Variants in ZNF558 observed in about 807,000 individuals in gnomAD.
ZNF558 encodes the protein zinc finger protein 558.
ZNF558 carries 23 observed loss-of-function variants against 37.6 expected under a neutral mutation model. The observed-to-expected ratio is 0.61, with a 90% CI of 0.44 to 0.87. The LOEUF is 0.87. Ranked by LOEUF, ZNF558 falls within the 40% of genes least tolerant of loss-of-function variation. ZNF558 has a pLI of 0.00. For synonymous variants in ZNF558, 189 were observed against 174.4 expected, an observed-to-expected ratio of 1.08 and a Z score of -0.66; for missense variants, 429 against 483.7, an observed-to-expected ratio of 0.89 and a Z score of 1.06.
At chr19:8,815,488 G>T (rs2043912387) in intron 7 of ZNF558, among the ~76,000 whole-genome samples, 1 of 152,018 alleles carries the variant, frequency 6.6e-6, no homozygotes, top group Admixed American at 6.6e-5. Context: ...CTGAGGAGCA[G>T]AAAAAAGAGA....
chr19:8,806,861 T>C lies in ZNF558; in HGVS notation c.*4420A>G, dbSNP rs2043708175. 1 of 152,350 alleles carries C rather than the reference T, an allele frequency of 6.6e-6. No individual in the cohort carries two copies. Among genetic ancestry groups the C allele is most frequent in the Non-Finnish European group, 1.5e-5 (1 of 68,040 alleles). 9.4% of individuals were successfully genotyped at this position (152,350 alleles called of 1,614,324 possible). ...GTCATTCATTGTCTTCTTGCTTCCA[T>C]AGTTTCTTTTGAAAAGTCATCATTA... On this transcript the variant is annotated 3_prime_UTR_variant, in exon 10 of 10. Transcript: ENST00000601372.
intron 7 of ZNF558, among the ~76,000 whole-genome samples, chr19:8,816,092 G>A (rs917121758): frequency 2.0e-5 from 3 of 151,762 alleles, no homozygotes; most frequent in Non-Finnish European, 4.4e-5. Context: ...TTTGAGCCAG[G>A]GTTTTATTCT....
upstream of ZNF558, among the ~76,000 whole-genome samples, chr19:8,833,694 A>G (rs998555856): frequency 2.0e-5 from 3 of 152,176 alleles, no homozygotes; most frequent in Admixed American, 6.5e-5. Context: ...TGCGTTAGAT[A>G]CCACTAAGTG....
In ZNF558 at chr19:8,827,530, T is replaced by C. The variant is rs981265390; in HGVS notation, c.-508-2422A>G. On this transcript the variant is annotated intron_variant, in intron 2 of 9. Transcript: ENST00000601372. ...AAGTGAGGCCTAGTATGGTTCTGCC[T>C]CCCTCTTGATCTTGGTCTTGGTCAC... Among the ~76,000 whole-genome samples the C allele has an allele frequency of 1.8e-4, 27 of 149,490 alleles. No individual in the cohort carries two copies. In the East Asian group the frequency reaches 3.0e-3, roughly 17 times the overall value.
At chr19:8,829,920 T>C (rs1357960865) in intron 2 of ZNF558, among the ~76,000 whole-genome samples, 1 of 152,148 alleles carries the variant, frequency 6.6e-6, no homozygotes, top group Non-Finnish European at 1.5e-5. Context: ...CACCATACTG[T>C]TATTTCAGAG....
Position 8,811,057 on chromosome 19 carries a change from G to A in ZNF558, c.*224C>T. ...GGCTGACATCTTGATTGTAAGTAAA[G>A]GCATGAGAGATCCTGCAGTGTAACT... On this transcript the variant is annotated 3_prime_UTR_variant, in exon 10 of 10. Coordinates refer to ENST00000601372, the MANE Select transcript of ZNF558 (RefSeq NM_144693.3). 8.4e-6 allele frequency: 4 copies of A among 477,474 alleles called. No homozygotes were observed. The highest frequency in any genetic ancestry group is 3.5e-5 in the East Asian group (1 of 28,958). 29.6% of individuals were successfully genotyped at this position (477,474 alleles called of 1,614,324 possible).
In ZNF558 at chr19:8,811,923, G is replaced by A. The variant is rs782037188; in HGVS notation, c.567C>T (p.Phe189=). 2.5e-6 allele frequency: 4 copies of A among 1,614,076 alleles called. No homozygotes were observed. The South Asian group carries it at 4.4e-5, about 18-fold the overall frequency. ...PYDCSQCGKS[F]SSRSYLTIHK... ...GAATAGTAAGGTAAGATCTGCTACT[G>A]AAGGACTTCCCACATTGACTACAGT... The change falls in exon 10 of 10, where the codon TTC becomes TTT. Residue 189 remains phenylalanine, a synonymous_variant. Transcript: ENST00000601372.
chr19:8,810,021 G>GT lies in ZNF558; in HGVS notation c.*1259dup, dbSNP rs1191342117. ...TTTTCCAATATTAATATACTCATAG[G>GT]TTTTGCATCCAGGGAGAAGTTCCAT... On this transcript the variant is annotated 3_prime_UTR_variant, in exon 10 of 10. Coordinates refer to ENST00000601372, the MANE Select transcript of ZNF558 (RefSeq NM_144693.3). The GT allele has an allele frequency of 6.6e-6, 1 of 152,148 alleles. No individual in the cohort carries two copies. Among genetic ancestry groups the GT allele is most frequent in the Non-Finnish European group, 1.5e-5 (1 of 68,034 alleles). The allele number at this position is 152,148 out of a possible 1,614,324, so 9.4% of individuals were successfully genotyped here. A position where few individuals can be genotyped will look rare whatever the true frequency, so the allele number is the denominator to read the frequency against.
In ZNF558 at chr19:8,808,381, TATC is replaced by T. The variant is rs1244460576; in HGVS notation, c.*2897_*2899del. 4 of 118,890 alleles carry T rather than the reference TATC, an allele frequency of 3.4e-5. No individual in the cohort carries two copies. Among genetic ancestry groups the T allele is most frequent in the Admixed American group, 8.5e-5 (1 of 11,740 alleles). The allele number at this position is 118,890 out of a possible 1,614,324, so 7.4% of individuals were successfully genotyped here. ...ATTACAATACTTTGCTATGTAAAAATATCATCTCCACATAAAAAGGAATACAGA... is the reference window on the plus strand; with the variant it reads ...ATTACAATACTTTGCTATGTAAAAATATCTCCACATAAAAAGGAATACAGA... On this transcript the variant is annotated 3_prime_UTR_variant, in exon 10 of 10. Coordinates refer to ENST00000601372, the MANE Select transcript of ZNF558 (RefSeq NM_144693.3).
chr19:8,811,254 C>T lies in ZNF558; in HGVS notation c.*27G>A, dbSNP rs1429285068. The T allele has an allele frequency of 7.2e-6, 11 of 1,531,172 alleles. No homozygotes were observed. Among genetic ancestry groups the T allele is most frequent in the Admixed American group, 6.3e-5 (3 of 47,360 alleles). 94.8% of individuals were successfully genotyped at this position (1,531,172 alleles called of 1,614,324 possible). A position where few individuals can be genotyped will look rare whatever the true frequency, so the allele number is the denominator to read the frequency against. On this transcript the variant is annotated 3_prime_UTR_variant, in exon 10 of 10. Transcript: ENST00000601372. The stretch of plus-strand genomic sequence containing the variant: ...CTTAGGGATGAAAGATCAATGAGTG[C>T]TTTCCTCCAGAAGTTCCTGCAGTAA...
upstream of ZNF558, among the ~76,000 whole-genome samples, chr19:8,835,210 C>T (rs2044442754): frequency 6.6e-6 from 1 of 152,112 alleles, no homozygotes; most frequent in Non-Finnish European, 1.5e-5. Flanking sequence ...CACCACCACG[C>T]CTGGCTAATT....
rs2043717181 is a variant in ZNF558 at position 8,808,037 on chromosome 19, A to C, written c.*3244T>G. 6.6e-6 allele frequency: 1 copy of C among 152,244 alleles called. No homozygotes were observed. The highest frequency in any genetic ancestry group is 2.4e-5 in the African/African-American group (1 of 41,466). The allele number at this position is 152,244 out of a possible 1,614,324, so 9.4% of individuals were successfully genotyped here. A position where few individuals can be genotyped will look rare whatever the true frequency, so the allele number is the denominator to read the frequency against. On this transcript the variant is annotated 3_prime_UTR_variant, in exon 10 of 10. Coordinates refer to ENST00000601372, the MANE Select transcript of ZNF558 (RefSeq NM_144693.3). The stretch of plus-strand genomic sequence containing the variant: ...TATAATGCATACTGAGTTAATACTT[A>C]TATGTCATTTAGAAGGGGGCCTGAT...
At position 8,809,363 on chromosome 19, in the gene ZNF558, C is replaced by T. The variant is rs142468222; in HGVS notation, c.*1918G>A. ...CATTGCCAGGGGAGTGCGAAAAAAC[C>T]CGCCTGGGCTTCAGGAAAAACTATA... On this transcript the variant is annotated 3_prime_UTR_variant, in exon 10 of 10. Coordinates refer to ENST00000601372, the MANE Select transcript of ZNF558 (RefSeq NM_144693.3). 334 of 152,306 alleles carry T rather than the reference C, an allele frequency of 2.2e-3. 4 individuals carry two copies. Among genetic ancestry groups the T allele is most frequent in the African/African-American group, 7.6e-3 (315 of 41,562 alleles). The allele number at this position is 152,306 out of a possible 1,614,324, so 9.4% of individuals were successfully genotyped here. A position where few individuals can be genotyped will look rare whatever the true frequency, so the allele number is the denominator to read the frequency against.
Position 8,822,045 on chromosome 19 carries a change from CTG to C in ZNF558, c.76_77del (p.Gln26GlyfsTer6). The C allele has an allele frequency of 2.5e-6, 4 of 1,614,086 alleles. No individual in the cohort carries two copies. The highest frequency in any genetic ancestry group is 2.5e-6 in the Non-Finnish European group (3 of 1,179,982). On this transcript the variant is annotated frameshift_variant, in exon 6 of 10. Coordinates refer to ENST00000601372, the MANE Select transcript of ZNF558 (RefSeq NM_144693.3). LOFTEE classifies it high-confidence loss of function. This position sits in a 1 kb window ranked among gnomAD's most constrained non-coding sequence, Gnocchi z 4.4. ...GGAGCTCATTAACCAGCTCTCCGCC[CTG>C]TGTGTGTCCTTTTTGCTGAGAGGCT... The part of the protein sequence containing the change: ...FPASQQKGHT[Q>X]GGELVNELLT...
chr19:8,833,862 C>T (rs1568482296), upstream of ZNF558, among the ~76,000 whole-genome samples: 2 of 152,082 alleles, frequency 1.3e-5, no homozygotes, highest in African/African-American at 4.8e-5. Flanking sequence ...TGGCGGATGC[C>T]TTGTAATCCC....
At chr19:8,836,636 C>T (rs965405214), upstream of ZNF558, among the ~76,000 whole-genome samples, 4 of 152,084 alleles carry the variant, frequency 2.6e-5, no homozygotes, top group African/African-American at 4.8e-5. Context: ...GGACTGCAGG[C>T]GTGCACCACC....
At chr19:8,819,593 T>C (rs2044030004) in intron 7 of ZNF558, among the ~76,000 whole-genome samples, 1 of 152,168 alleles carries the variant, frequency 6.6e-6, no homozygotes. Context: ...GTACCCAGAA[T>C]ATAAAATGAA....
At chr19:8,827,828 T>A (rs922176511) in intron 2 of ZNF558, among the ~76,000 whole-genome samples, 4 of 152,132 alleles carry the variant, frequency 2.6e-5, no homozygotes, top group Admixed American at 2.6e-4. Flanking sequence ...CCCACCTTGG[T>A]CTCCTAAAGT....
rs547050910 is a variant in ZNF558 at position 8,822,906 on chromosome 19, C to T, written c.-65-182G>A. On this transcript the variant is annotated intron_variant, in intron 4 of 9. Transcript: ENST00000601372. This position sits in a 1 kb window ranked among gnomAD's most constrained non-coding sequence, Gnocchi z 4.4. ...GGCCACCTGATGGAAAACTTGCCTT[C>T]CTCTGTCCCCAACACAACGACCAGT... is the stretch of plus-strand genomic sequence containing the variant. 4.1e-5 allele frequency: 24 copies of T among 591,042 alleles called. No individual in the cohort carries two copies. The East Asian group carries it at 6.8e-4, about 17-fold the overall frequency. The allele number at this position is 591,042 out of a possible 1,614,324, so 36.6% of individuals were successfully genotyped here.
Sources: gnomAD v4.1 joint callset for allele counts (sites outside exome capture counted in the v4.1 genomes callset) on GRCh38, gnomAD v4.1.1 for gene constraint, Gnocchi (gnomAD v3.1) non-coding constraint, MANE v1.5 for transcripts, NCBI Gene and HGNC (gene_info 2026-07-23, HGNC 2026-07-21) for gene names.